CAMTA1: variants seen among roughly 807,000 people sequenced by gnomAD.
The protein encoded by CAMTA1 is calmodulin-binding transcription activator 1.
In CAMTA1, 27 loss-of-function variants were observed where a neutral mutation model predicts 170.9. That is an observed-to-expected ratio of 0.16 (90% CI 0.12 to 0.22). The LOEUF (loss-of-function observed/expected upper bound fraction) is 0.22, where lower values mean the gene tolerates loss of function less well. CAMTA1 is among the 10% of genes least tolerant of loss of function. The probability of loss-of-function intolerance (pLI) is 1.00; values close to 1 mark genes in which losing one functional copy is unlikely to be tolerated. For synonymous variants in CAMTA1, 833 were observed against 891.5 expected (o/e 0.93, Z 1.17); for missense variants, 1,619 against 2,217.2 (o/e 0.73, Z 5.42).
chr1:7,653,752 C>G (rs927263371), intron 7 of CAMTA1, among the ~76,000 whole-genome samples: 1 of 151,976 alleles, frequency 6.6e-6, no homozygotes, highest in Admixed American at 6.5e-5. Context: ...TGGCCATTCA[C>G]TCATTCACTC....
chr1:7,655,003 CCTAT>C (rs2095876323), intron 7 of CAMTA1, among the ~76,000 whole-genome samples: 4 of 143,494 alleles, frequency 2.8e-5, no homozygotes, highest in Admixed American at 1.4e-4. Context: ...CCCACACACA[CCTAT>C]ACACACACCC....
intron 3 of CAMTA1, among the ~76,000 whole-genome samples, chr1:6,901,463 C>A (rs1047566776): frequency 6.6e-6 from 1 of 152,104 alleles, no homozygotes; most frequent in Non-Finnish European, 1.5e-5. Context: ...CTGGGAGGAA[C>A]CTTTGTAAAA....
chr1:7,492,991 ACG>A (rs1575600601), intron 6 of CAMTA1, among the ~76,000 whole-genome samples: 1 of 146,814 alleles, frequency 6.8e-6, no homozygotes, highest in Non-Finnish European at 1.5e-5. Flanking sequence ...AAACATACAA[ACG>A]CGCACACAAA....
At chr1:7,274,378 T>C (rs7528829) in intron 5 of CAMTA1, among the ~76,000 whole-genome samples, 141,344 of 152,218 alleles carry the variant, frequency 0.93, 65,790 homozygotes, top group African/African-American at 0.98. Flanking sequence ...TATTTTATAA[T>C]GATAAGAGGG....
chr1:7,590,750 A>G (rs898236725), intron 6 of CAMTA1, among the ~76,000 whole-genome samples: 2 of 152,212 alleles, frequency 1.3e-5, no homozygotes, highest in African/African-American at 2.4e-5. Context: ...GCCCACCCTC[A>G]GAGAGACTGG....
rs74434020 is a variant in CAMTA1, at chr1:7,352,564, G to A, written c.438+102938G>A. ...CCTCACTGATTTCCTCTCCAGGGCAGACTCCTTGGCCATCCACCCATGGGC... is the reference window on the plus strand; with the variant it reads ...CCTCACTGATTTCCTCTCCAGGGCAAACTCCTTGGCCATCCACCCATGGGC... On this transcript the variant is annotated intron_variant, in intron 5 of 22. Transcript: ENST00000303635. 4.3e-3 allele frequency among the ~76,000 whole-genome samples: 648 copies of A among 152,324 alleles called. 4 individuals are homozygous for A. The highest frequency in any genetic ancestry group is 0.015 in the African/African-American group (622 of 41,588).
At chr1:7,537,385 G>A (rs2094561895) in intron 6 of CAMTA1, among the ~76,000 whole-genome samples, 3 of 152,240 alleles carry the variant, frequency 2.0e-5, no homozygotes, top group African/African-American at 7.2e-5. Context: ...GCAGCCAGGT[G>A]CAGCCCCACC....
intron 4 of CAMTA1, among the ~76,000 whole-genome samples, chr1:7,099,729 C>T (rs548204517): frequency 6.6e-6 from 1 of 152,260 alleles, no homozygotes; most frequent in African/African-American, 2.4e-5. Flanking sequence ...TGGAACCATC[C>T]GGGTTCTCCT....
At chr1:7,438,258 C>T (rs1023757162) in intron 5 of CAMTA1, among the ~76,000 whole-genome samples, 2 of 152,234 alleles carry the variant, frequency 1.3e-5, no homozygotes, top group Non-Finnish European at 1.5e-5. Context: ...AGGGGCAAGA[C>T]GCACTGTCCG....
Position 7,633,805 on chromosome 1 carries a change from G to A in CAMTA1, c.511-6595G>A, listed in dbSNP as rs942610602. The stretch of plus-strand genomic sequence containing the variant: ...GGCCAAACCCGAGTAGTAATTGAGC[G>A]GAAACTGAGAGATTAGTGCTGCAAA... On this transcript the variant is annotated intron_variant, in intron 6 of 22. Coordinates refer to ENST00000303635, the MANE Select transcript of CAMTA1 (RefSeq NM_015215.4). The surrounding 1 kb of genome is among the most constrained non-coding windows in gnomAD (Gnocchi z 4.1). Among the ~76,000 whole-genome samples, 65 of 152,258 alleles carry A rather than the reference G, an allele frequency of 4.3e-4. No homozygotes were observed. The highest frequency in any genetic ancestry group is 8.5e-4 in the Non-Finnish European group (58 of 68,052).
chr1:6,999,948 C>T (rs115943765), intron 3 of CAMTA1, among the ~76,000 whole-genome samples: 2,022 of 152,352 alleles, frequency 0.013, 17 homozygotes, highest in Non-Finnish European at 0.02. Flanking sequence ...TTTCTGAGAG[C>T]TGCCAGCCTC....
At chr1:7,324,864 G>GT (rs1208544373) in intron 5 of CAMTA1, among the ~76,000 whole-genome samples, 1 of 151,612 alleles carries the variant, frequency 6.6e-6, no homozygotes, top group Non-Finnish European at 1.5e-5. Flanking sequence ...TTTTTCAATG[G>GT]TTACCTTAGA....
chr1:6,884,335 C>CACACACACACACACACACAA (rs776481131), intron 3 of CAMTA1, among the ~76,000 whole-genome samples: 4 of 143,924 alleles, frequency 2.8e-5, no homozygotes, highest in African/African-American at 7.8e-5. Context: ...CACACACACA[C>CACACACACACACACACACAA]AATTTTGTTT....
In CAMTA1 at chr1:7,289,821, A is replaced by G. The variant is rs542210595; in HGVS notation, c.438+40195A>G. On this transcript the variant is annotated intron_variant, in intron 5 of 22. Coordinates refer to ENST00000303635, the MANE Select transcript of CAMTA1 (RefSeq NM_015215.4). Reference sequence around the variant, plus strand: ...GCTGAGAAACACCCAGAATTGACACAAGACTGGAAGCTGGAAGAGACAAGG... The same window carrying G: ...GCTGAGAAACACCCAGAATTGACACGAGACTGGAAGCTGGAAGAGACAAGG... Among the ~76,000 whole-genome samples, 10 of 152,126 alleles carry G rather than the reference A, an allele frequency of 6.6e-5. 1 individual carries two copies. The South Asian group carries it at 1.7e-3, about 25-fold the overall frequency.
chr1:7,654,481 C>A (rs907380810), intron 7 of CAMTA1, among the ~76,000 whole-genome samples: 5 of 151,752 alleles, frequency 3.3e-5, no homozygotes, highest in African/African-American at 1.2e-4. Flanking sequence ...CACACACACA[C>A]CCCTATACAT....
chr1:6,962,636 C>T (rs1690674518), intron 3 of CAMTA1, among the ~76,000 whole-genome samples: 1 of 148,586 alleles, frequency 6.7e-6, no homozygotes, highest in African/African-American at 2.5e-5. Flanking sequence ...TGGACCCACC[C>T]CTCTTTCCTC....
chr1:7,270,283 A>T (rs1323632019), intron 5 of CAMTA1, among the ~76,000 whole-genome samples: 1 of 120,064 alleles, frequency 8.3e-6, no homozygotes, highest in African/African-American at 3.5e-5. Context: ...ACATATATAT[A>T]TATATATATT....
chr1:7,432,295 A>G (rs973712106), intron 5 of CAMTA1, among the ~76,000 whole-genome samples: 1 of 151,870 alleles, frequency 6.6e-6, no homozygotes, highest in Non-Finnish European at 1.5e-5. Context: ...AGGGAAAGTG[A>G]CCTCCCCAAG....
intron 3 of CAMTA1, among the ~76,000 whole-genome samples, chr1:6,884,426 A>G (rs373633101): frequency 6.6e-6 from 1 of 152,134 alleles, no homozygotes; most frequent in African/African-American, 2.4e-5. Context: ...TAGGCCAGGA[A>G]AAAGTAAAAT....
Sources: allele counts gnomAD v4.1 joint callset (sites outside exome capture counted in the v4.1 genomes callset), GRCh38; gene constraint gnomAD v4.1.1; non-coding constraint Gnocchi (gnomAD v3.1); transcripts MANE v1.5; gene names NCBI Gene and HGNC (gene_info 2026-07-23, HGNC 2026-07-21).